ARL15: variants seen among roughly 807,000 people sequenced by gnomAD.
ARL15 encodes ADP-ribosylation factor-like protein 15.
A neutral mutation model predicts 25.2 loss-of-function variants in ARL15; 19 were observed. That is an observed-to-expected ratio of 0.75 (90% CI 0.53 to 1.10). ARL15 has a LOEUF of 1.10. ARL15 is among the 50% of genes least tolerant of loss of function. ARL15 has a pLI of 0.00. For synonymous variants in ARL15, 94 were observed against 86.8 expected, an observed-to-expected ratio of 1.08 and a Z score of -0.46; for missense variants, 220 against 246.0, an observed-to-expected ratio of 0.89 and a Z score of 0.71.
At chr5:54,058,008 A>T (rs200555383) in intron 4 of ARL15, among the ~76,000 whole-genome samples, 2,086 of 73,002 alleles carry the variant, frequency 0.029, 35 homozygotes, top group Non-Finnish European at 0.054. Context: ...TTATTTATTT[A>T]TTTATTTATT....
At chr5:54,029,682 G>A (rs974510434) in intron 4 of ARL15, among the ~76,000 whole-genome samples, 2 of 152,000 alleles carry the variant, frequency 1.3e-5, no homozygotes, top group African/African-American at 4.8e-5. Context: ...AACACAGAAA[G>A]ACCCTGTCTC....
At position 53,924,945 on chromosome 5, in the gene ARL15, A is replaced by C. The variant is rs933517369; in HGVS notation, c.463-38232T>G. 2.6e-5 allele frequency among the ~76,000 whole-genome samples: 4 copies of C among 152,204 alleles called. No individual in the cohort carries two copies. The East Asian group carries it at 7.7e-4, about 29-fold the overall frequency. On this transcript the variant is annotated intron_variant, in intron 4 of 4. Coordinates refer to ENST00000504924, the MANE Select transcript of ARL15 (RefSeq NM_019087.3). Reference sequence around the variant, plus strand: ...AGAAAACTGTTAAGTTAGACATATTAGACACAAGAAAGAATTCAACTCCTT... The same window carrying C: ...AGAAAACTGTTAAGTTAGACATATTCGACACAAGAAAGAATTCAACTCCTT...
intron 4 of ARL15, among the ~76,000 whole-genome samples, chr5:53,924,635 CTG>C (rs1745962773): frequency 1.3e-5 from 2 of 152,304 alleles, no homozygotes; most frequent in African/African-American, 4.8e-5. Context: ...CAGTTCCACA[CTG>C]TTTTTCATTT....
chr5:54,224,916 C>T (rs1756477976), intron 1 of ARL15, among the ~76,000 whole-genome samples: 1 of 152,092 alleles, frequency 6.6e-6, no homozygotes, highest in Non-Finnish European at 1.5e-5. Flanking sequence ...CTGAGAAACA[C>T]AAAGGTGATT....
intron 4 of ARL15, among the ~76,000 whole-genome samples, chr5:54,069,328 T>C (rs1331457516): frequency 6.6e-6 from 1 of 152,132 alleles, no homozygotes; most frequent in Admixed American, 6.5e-5. Flanking sequence ...CCTAGCACTT[T>C]GGCAGGCCAA....
At chr5:54,211,307 G>C (rs1756034981) in intron 1 of ARL15, among the ~76,000 whole-genome samples, 1 of 152,050 alleles carries the variant, frequency 6.6e-6, no homozygotes, top group South Asian at 2.1e-4. Flanking sequence ...CTGTAGAGCT[G>C]TTCTATCGGT....
At chr5:54,201,631 T>G (rs1011281015) in intron 1 of ARL15, among the ~76,000 whole-genome samples, 8 of 152,096 alleles carry the variant, frequency 5.3e-5, no homozygotes, top group African/African-American at 1.9e-4. Flanking sequence ...ATTTTCCATC[T>G]ACTGATCCCC....
At chr5:54,198,401 T>C (rs150679863) in intron 1 of ARL15, among the ~76,000 whole-genome samples, 10,356 of 133,658 alleles carry the variant, frequency 0.077, 37 homozygotes, top group Non-Finnish European at 0.1. Flanking sequence ...AAAACCCCAT[T>C]GTCTCAGCCC....
intron 1 of ARL15, among the ~76,000 whole-genome samples, chr5:54,250,041 G>A (rs2112596789): frequency 6.6e-6 from 1 of 152,314 alleles, no homozygotes; most frequent in South Asian, 2.1e-4. Context: ...CAGTTCTGCA[G>A]GCTGTACAGG....
chr5:54,288,856 C>T (rs1758247942), intron 1 of ARL15, among the ~76,000 whole-genome samples: 1 of 152,102 alleles, frequency 6.6e-6, no homozygotes, highest in Admixed American at 6.5e-5. Context: ...GCAATAAAAA[C>T]TGAATATAGG....
intron 4 of ARL15, among the ~76,000 whole-genome samples, chr5:54,085,918 CT>C (rs112018609): frequency 3.6e-3 from 516 of 142,708 alleles, no homozygotes; most frequent in Middle Eastern, 0.011. Flanking sequence ...CACACATGAG[CT>C]TTTTTTTTTT....
At chr5:53,902,578 CA>C (rs1443630226) in intron 4 of ARL15, among the ~76,000 whole-genome samples, 1 of 152,146 alleles carries the variant, frequency 6.6e-6, no homozygotes, top group African/African-American at 2.4e-5. Flanking sequence ...CCCAAATAAA[CA>C]TGTTTAATAT....
At chr5:54,130,424 C>A (rs1753395583) in intron 3 of ARL15, among the ~76,000 whole-genome samples, 1 of 152,110 alleles carries the variant, frequency 6.6e-6, no homozygotes, top group African/African-American at 2.4e-5. Flanking sequence ...AAACTTAATT[C>A]TTTAATCAAG....
intron 1 of ARL15, among the ~76,000 whole-genome samples, chr5:54,264,682 T>C (rs988731199): frequency 6.6e-6 from 1 of 152,148 alleles, no homozygotes; most frequent in African/African-American, 2.4e-5. Flanking sequence ...CTTAGGACCT[T>C]TGCATAGGCT....
intron 4 of ARL15, among the ~76,000 whole-genome samples, chr5:53,942,383 G>C (rs923713580): frequency 6.6e-6 from 1 of 152,128 alleles, no homozygotes; most frequent in Non-Finnish European, 1.5e-5. Context: ...TCTAGAAATC[G>C]GTTGAGAGCT....
At chr5:54,064,497 T>C (rs371991050) in intron 4 of ARL15, among the ~76,000 whole-genome samples, 1 of 152,192 alleles carries the variant, frequency 6.6e-6, no homozygotes, top group African/African-American at 2.4e-5. Flanking sequence ...AGTAATTGAA[T>C]TGTGCTTAGA....
At chr5:54,085,402 C>T (rs753745619) in intron 4 of ARL15, among the ~76,000 whole-genome samples, 2 of 151,958 alleles carry the variant, frequency 1.3e-5, no homozygotes, top group East Asian at 1.9e-4. Context: ...AAATATTATC[C>T]GAGGACAAAA....
In ARL15 at chr5:54,155,153, T is replaced by C. The variant is rs143400675; in HGVS notation, c.194-514A>G. On this transcript the variant is annotated intron_variant, in intron 2 of 4. Coordinates refer to ENST00000504924, the MANE Select transcript of ARL15 (RefSeq NM_019087.3). ...ACAAACAAACAAGCAAAAAACATAG[T>C]TGTGTATTACGGCAATATATAACAC... 8.5e-5 allele frequency among the ~76,000 whole-genome samples: 13 copies of C among 152,136 alleles called. No individual in the cohort carries two copies. In the East Asian group the frequency reaches 2.1e-3, roughly 25 times the overall value.
chr5:53,910,035 T>C (rs779741321), intron 4 of ARL15, among the ~76,000 whole-genome samples: 8 of 152,222 alleles, frequency 5.3e-5, no homozygotes, highest in Admixed American at 1.3e-4. Context: ...TAATAATTTA[T>C]AAGAGTTTGT....
Sources: allele counts gnomAD v4.1 joint callset (sites outside exome capture counted in the v4.1 genomes callset), GRCh38; gene constraint gnomAD v4.1.1; transcripts MANE v1.5; gene names NCBI Gene and HGNC (gene_info 2026-07-23, HGNC 2026-07-21).